Variants in MGAT4C observed in about 807,000 individuals in gnomAD.
MGAT4C encodes alpha-1,3-mannosyl-glycoprotein 4-beta-N-acetylglucosaminyltransferase C.
A neutral mutation model predicts 40.1 loss-of-function variants in MGAT4C; 19 were observed. The observed-to-expected ratio is 0.47, with a 90% confidence interval of 0.33 to 0.70. The LOEUF is 0.70. MGAT4C is among the 30% of genes least tolerant of loss of function. The pLI, the probability that MGAT4C is intolerant of heterozygous loss-of-function variation, is 0.02. For missense variants in MGAT4C, 491 were observed against 563.2 expected (o/e 0.87, Z 1.30); for synonymous variants, 181 against 187.1 (o/e 0.97, Z 0.27).
chr12:86,805,151 G>A (rs998981482), intron 1 of MGAT4C, among the ~76,000 whole-genome samples: 2 of 151,908 alleles, frequency 1.3e-5, no homozygotes, highest in Admixed American at 1.3e-4. Flanking sequence ...ATATGATATT[G>A]TTTGTTTAAT....
At chr12:86,298,432 T>A (rs908148254) in intron 4 of MGAT4C, among the ~76,000 whole-genome samples, 2 of 152,166 alleles carry the variant, frequency 1.3e-5, no homozygotes, top group African/African-American at 4.8e-5. Flanking sequence ...AAAACCGATT[T>A]AATGTTATAC....
At chr12:86,746,041 CCT>C (rs1274082735) in intron 1 of MGAT4C, among the ~76,000 whole-genome samples, 1 of 151,570 alleles carries the variant, frequency 6.6e-6, no homozygotes, top group Admixed American at 6.6e-5. Context: ...CATTTCATCC[CCT>C]CTCATTCACT....
At position 86,429,468 on chromosome 12, in the gene MGAT4C, T is replaced by A. The variant is rs189323709; in HGVS notation, c.-120+5689A>T. On this transcript the variant is annotated intron_variant, in intron 3 of 7. Coordinates refer to the MGAT4C transcript ENST00000548651. ...GGATGAAATATTTTGTTTATCTCTG[T>A]TAGGACCATTAAATCTAAAGTGTTG... Among the ~76,000 whole-genome samples, 340 of 152,314 alleles carry A rather than the reference T, an allele frequency of 2.2e-3. 1 individual carries two copies. The highest frequency in any genetic ancestry group is 5.4e-3 in the South Asian group (26 of 4,830).
chr12:86,684,490 A>G (rs1434438626), intron 2 of MGAT4C, among the ~76,000 whole-genome samples: 2 of 152,230 alleles, frequency 1.3e-5, no homozygotes, highest in Non-Finnish European at 2.9e-5. Flanking sequence ...TGGAATAAAC[A>G]TATGTGTGTA....
At chr12:86,060,527 C>A (rs1051951546) in intron 1 of MGAT4C, among the ~76,000 whole-genome samples, 3 of 152,014 alleles carry the variant, frequency 2.0e-5, no homozygotes, top group African/African-American at 7.2e-5. Context: ...TTAATTCATA[C>A]AATCCTAATT....
intron 3 of MGAT4C, among the ~76,000 whole-genome samples, chr12:86,418,482 C>T (rs938713313): frequency 6.6e-6 from 1 of 152,026 alleles, no homozygotes; most frequent in African/African-American, 2.4e-5. Context: ...ATCTCAGCTA[C>T]TCAGGAGGCT....
chr12:86,013,122 A>G (rs1447876215), intron 2 of MGAT4C, among the ~76,000 whole-genome samples: 1 of 152,234 alleles, frequency 6.6e-6, no homozygotes. Flanking sequence ...AAAGAGAAGT[A>G]AGACCTTGTC....
chr12:86,774,347 C>CTTTCTTTCTTT (rs1565981724), intron 1 of MGAT4C, among the ~76,000 whole-genome samples: 1 of 42,312 alleles, frequency 2.4e-5, no homozygotes, highest in African/African-American at 6.3e-5. Context: ...TTCTGTCTCT[C>CTTTCTTTCTTT]TCTCTCCCCT....
At chr12:86,552,246 ATTATG>A (rs760592998) in intron 2 of MGAT4C, among the ~76,000 whole-genome samples, 7 of 152,056 alleles carry the variant, frequency 4.6e-5, no homozygotes, top group African/African-American at 9.7e-5. Flanking sequence ...AACGTAGGAT[ATTATG>A]TTAAGTGAAG....
chr12:86,487,558 T>C (rs1277392720), intron 2 of MGAT4C, among the ~76,000 whole-genome samples: 1 of 152,216 alleles, frequency 6.6e-6, no homozygotes, highest in Non-Finnish European at 1.5e-5. Flanking sequence ...CTTGATTTTC[T>C]TAGAGCTGAA....
Position 86,506,324 on chromosome 12 carries a change from T to C in MGAT4C, c.-228-71059A>G, listed in dbSNP as rs559792826. ...ATAATAGGTAAATGAAAGTTTTGTT[T>C]TGCCTTGTCTGTAAATAAATAAACA... On this transcript the variant is annotated intron_variant, in intron 2 of 7. Transcript: ENST00000548651. Among the ~76,000 whole-genome samples the C allele has an allele frequency of 3.2e-3, 484 of 152,330 alleles. 3 individuals carry two copies. The highest frequency in any genetic ancestry group is 9.1e-3 in the South Asian group (44 of 4,830).
intron 1 of MGAT4C, among the ~76,000 whole-genome samples, chr12:86,776,876 CAT>C (rs1271014960): frequency 6.6e-6 from 1 of 152,112 alleles, no homozygotes; most frequent in East Asian, 1.9e-4. Flanking sequence ...CACCTACAAA[CAT>C]AAATTATTAA....
chr12:86,180,773 C>T (rs1412975235), intron 1 of MGAT4C, among the ~76,000 whole-genome samples: 1 of 152,166 alleles, frequency 6.6e-6, no homozygotes, highest in Non-Finnish European at 1.5e-5. Context: ...AACTAGCTTG[C>T]TTTTGATATT....
At chr12:86,048,321 T>C (rs1346453931) in intron 2 of MGAT4C, among the ~76,000 whole-genome samples, 2 of 151,620 alleles carry the variant, frequency 1.3e-5, no homozygotes, top group East Asian at 3.9e-4. Context: ...GCAGAGAGTG[T>C]GGGAGGGAGG....
At chr12:86,557,110 G>A (rs973757133) in intron 2 of MGAT4C, among the ~76,000 whole-genome samples, 1 of 151,990 alleles carries the variant, frequency 6.6e-6, no homozygotes, top group Non-Finnish European at 1.5e-5. Context: ...TAGAAATAAG[G>A]TATACACTTT....
intron 2 of MGAT4C, among the ~76,000 whole-genome samples, chr12:86,714,325 A>T (rs1392244293): frequency 6.6e-6 from 1 of 152,126 alleles, no homozygotes; most frequent in East Asian, 1.9e-4. Flanking sequence ...CTACCTCAGT[A>T]TTTGACATGT....
intron 2 of MGAT4C, among the ~76,000 whole-genome samples, chr12:86,443,159 A>G (rs1001286865): frequency 2.6e-5 from 4 of 151,960 alleles, no homozygotes; most frequent in African/African-American, 9.7e-5. Flanking sequence ...TATGAAGTAT[A>G]TTTATATTTC....
At chr12:86,297,894 A>G (rs1953718410) in intron 4 of MGAT4C, among the ~76,000 whole-genome samples, 4 of 152,222 alleles carry the variant, frequency 2.6e-5, no homozygotes, top group African/African-American at 2.4e-5. Context: ...TGTTTGATAA[A>G]CATGACATCA....
intron 1 of MGAT4C, among the ~76,000 whole-genome samples, chr12:86,765,777 G>A (rs4536296): frequency 0.32 from 48,736 of 151,966 alleles, 9,615 homozygotes; most frequent in Admixed American, 0.46. Flanking sequence ...AGCTTCATAA[G>A]TGAAGGAGAA....
Sources: allele counts gnomAD v4.1 joint callset (sites outside exome capture counted in the v4.1 genomes callset), GRCh38; gene constraint gnomAD v4.1.1; transcripts MANE v1.5; gene names NCBI Gene and HGNC (gene_info 2026-07-23, HGNC 2026-07-21).